Variants in KCNQ5 observed in about 807,000 individuals in gnomAD.
The protein encoded by KCNQ5 is potassium voltage-gated channel subfamily Q member 5.
A neutral mutation model predicts 98.2 loss-of-function variants in KCNQ5; 30 were observed. The observed-to-expected ratio is 0.31, with a 90% CI of 0.23 to 0.41. The LOEUF (loss-of-function observed/expected upper bound fraction) is 0.41, where lower values mean the gene tolerates loss of function less well. KCNQ5 is among the 10% of genes least tolerant of loss of function. The pLI is 1.00. For missense variants in KCNQ5, 835 were observed against 1,182.5 expected (o/e 0.71, Z 4.31); for synonymous variants, 458 against 449.4 (o/e 1.02, Z -0.24).
intron 1 of KCNQ5, among the ~76,000 whole-genome samples, chr6:72,733,874 C>G (rs181878087): frequency 3.4e-4 from 52 of 152,292 alleles, no homozygotes. Flanking sequence ...TGTACTTCCT[C>G]CAGTCCACGT....
intron 3 of KCNQ5, among the ~76,000 whole-genome samples, chr6:73,067,052 T>C (rs1350190409): frequency 6.6e-6 from 1 of 152,182 alleles, no homozygotes; most frequent in Non-Finnish European, 1.5e-5. Context: ...TATAATATTT[T>C]CGCTAAATTT....
chr6:72,748,992 C>T (rs1012566709), intron 1 of KCNQ5, among the ~76,000 whole-genome samples: 1 of 152,152 alleles, frequency 6.6e-6, no homozygotes, highest in Admixed American at 6.6e-5. Context: ...TGCCATGGTT[C>T]ACCCACTCCC....
intron 1 of KCNQ5, among the ~76,000 whole-genome samples, chr6:72,821,847 G>T (rs1775766035): frequency 6.6e-6 from 1 of 152,024 alleles, no homozygotes; most frequent in African/African-American, 2.4e-5. Context: ...TGCCCTCAGA[G>T]AACTCTATGT....
intron 1 of KCNQ5, among the ~76,000 whole-genome samples, chr6:72,860,295 T>C (rs1777710880): frequency 1.3e-5 from 2 of 152,098 alleles, no homozygotes; most frequent in Non-Finnish European, 2.9e-5. Flanking sequence ...TACCTAACCC[T>C]CTGAACTACT....
intron 3 of KCNQ5, chr6:73,055,390 A>G: frequency 6.7e-7 from 1 of 1,499,990 alleles, no homozygotes; most frequent in Non-Finnish European, 9.2e-7. Context: ...TCAATAAAGC[A>G]GAAACTGCTG....
chr6:72,834,422 T>C (rs1776417955), intron 1 of KCNQ5, among the ~76,000 whole-genome samples: 2 of 152,180 alleles, frequency 1.3e-5, no homozygotes, highest in South Asian at 4.1e-4. Context: ...TGTGCCTATA[T>C]AGAATAAATG....
intron 11 of KCNQ5, among the ~76,000 whole-genome samples, chr6:73,180,833 T>G (rs1778380374): frequency 6.6e-6 from 1 of 152,062 alleles, no homozygotes; most frequent in Non-Finnish European, 1.5e-5. Flanking sequence ...GCCTCTTCAG[T>G]TCACAGTTGG....
At chr6:73,085,025 T>C (rs1773924412) in intron 5 of KCNQ5, among the ~76,000 whole-genome samples, 1 of 152,164 alleles carries the variant, frequency 6.6e-6, no homozygotes, top group African/African-American at 2.4e-5. Flanking sequence ...AATGTAGTTG[T>C]ACAGTTCCAA....
chr6:72,778,772 T>C (rs1002865392), intron 1 of KCNQ5, among the ~76,000 whole-genome samples: 1 of 152,096 alleles, frequency 6.6e-6, no homozygotes, highest in African/African-American at 2.4e-5. Context: ...AAAAAAATTT[T>C]AAAAAAATCA....
chr6:72,699,592 T>C (rs1214727251), intron 1 of KCNQ5, among the ~76,000 whole-genome samples: 1 of 152,184 alleles, frequency 6.6e-6, no homozygotes, highest in East Asian at 1.9e-4. Flanking sequence ...TATTAGAAGC[T>C]ATATAAATAT....
chr6:72,997,760 G>A (rs1044859902), intron 1 of KCNQ5, among the ~76,000 whole-genome samples: 7 of 136,576 alleles, frequency 5.1e-5, no homozygotes, highest in Non-Finnish European at 9.1e-5. Flanking sequence ...TCCAGCCTGG[G>A]TGACAGAGCA....
At chr6:72,870,331 G>C (rs1778151365) in intron 1 of KCNQ5, among the ~76,000 whole-genome samples, 1 of 152,082 alleles carries the variant, frequency 6.6e-6, no homozygotes, top group African/African-American at 2.4e-5. Context: ...CTGGAGTGCA[G>C]TGGCATGATC....
intron 1 of KCNQ5, among the ~76,000 whole-genome samples, chr6:72,712,124 A>T (rs929908394): frequency 6.6e-6 from 1 of 152,224 alleles, no homozygotes; most frequent in Admixed American, 6.5e-5. Flanking sequence ...TACTGAATAC[A>T]TGTTTGTTTT....
chr6:72,908,600 C>T (rs1779795668), intron 1 of KCNQ5, among the ~76,000 whole-genome samples: 1 of 152,094 alleles, frequency 6.6e-6, no homozygotes, highest in African/African-American at 2.4e-5. Flanking sequence ...CTCCAGAGAG[C>T]ACTTATTAAC....
chr6:72,700,916 A>C (rs1768773630), intron 1 of KCNQ5, among the ~76,000 whole-genome samples: 2 of 152,202 alleles, frequency 1.3e-5, no homozygotes, highest in African/African-American at 4.8e-5. Flanking sequence ...AGAAGTATTA[A>C]TATTACCTAG....
At chr6:73,090,312 C>G (rs1380450520) in intron 5 of KCNQ5, among the ~76,000 whole-genome samples, 1 of 151,972 alleles carries the variant, frequency 6.6e-6, no homozygotes, top group African/African-American at 2.4e-5. Context: ...AGATATTCAT[C>G]CTTTGTCAAA....
chr6:72,908,618 A>ATT (rs1779796076), intron 1 of KCNQ5, among the ~76,000 whole-genome samples: 6 of 152,170 alleles, frequency 3.9e-5, no homozygotes, highest in Non-Finnish European at 5.9e-5. Flanking sequence ...AACAGAAGCT[A>ATT]AACATATGGA....
At chr6:73,112,501 G>A (rs1056049000) in intron 7 of KCNQ5, among the ~76,000 whole-genome samples, 38 of 151,974 alleles carry the variant, frequency 2.5e-4, no homozygotes, top group African/African-American at 5.5e-4. Flanking sequence ...ACCCGCCACC[G>A]CGCCCGGCTA....
chr6:72,887,647 TG>T (rs931608795), intron 1 of KCNQ5, among the ~76,000 whole-genome samples: 2 of 152,184 alleles, frequency 1.3e-5, no homozygotes, highest in Non-Finnish European at 2.9e-5. Context: ...TGATTAAAGT[TG>T]TGTTCAGAGG....
Sources: gnomAD v4.1 joint callset for allele counts (sites outside exome capture counted in the v4.1 genomes callset) on GRCh38, gnomAD v4.1.1 for gene constraint, MANE v1.5 for transcripts, NCBI Gene and HGNC (gene_info 2026-07-23, HGNC 2026-07-21) for gene names.